Variants in GALNT16 observed in about 807,000 individuals in gnomAD.
GALNT16 encodes the protein UDP-GalNAc:polypeptide N-acetylgalactosaminyltransferase-like protein 1.
In GALNT16, 40 loss-of-function variants were observed where a neutral mutation model predicts 76.1. The observed-to-expected ratio is 0.53, with a 90% CI of 0.41 to 0.68. The LOEUF (loss-of-function observed/expected upper bound fraction) is 0.68. Among genes scored for constraint, GALNT16 ranks in the 30% least tolerant of loss-of-function variants. The pLI is 0.00. For synonymous variants in GALNT16, 276 were observed against 285.2 expected (o/e 0.97, Z 0.32); for missense variants, 621 against 731.9 (o/e 0.85, Z 1.75).
At chr14:69,313,743 C>A (rs2045060615) in intron 1 of GALNT16, among the ~76,000 whole-genome samples, 1 of 152,246 alleles carries the variant, frequency 6.6e-6, no homozygotes, top group Admixed American at 6.5e-5. Context: ...TAGGGCCTCC[C>A]AGGCCTGTGG....
At chr14:69,332,575 A>G (rs2045364299) in intron 7 of GALNT16, 1 of 157,256 alleles carries the variant, frequency 6.4e-6, no homozygotes, top group African/African-American at 2.4e-5. Flanking sequence ...CTGGACTCCC[A>G]GTATATGGAC....
Position 69,325,367 on chromosome 14 carries a change from C to A in GALNT16, c.465C>A (p.Ile155=). ...SVLNRTPANL[I]QEIILVDDFS... ...TGAACCGAACTCCTGCCAACTTGAT[C>A]CAGGAGATCATTTTAGTGGATGACT... Residue 155 remains isoleucine, a synonymous_variant, in exon 4 of 15, where the codon ATC becomes ATA. Coordinates refer to ENST00000448469, the MANE Select transcript of GALNT16 (RefSeq NM_001168368.2). 6.2e-7 allele frequency: 1 copy of A among 1,603,812 alleles called. No individual in the cohort carries two copies. Among genetic ancestry groups the A allele is most frequent in the Non-Finnish European group, 8.5e-7 (1 of 1,170,592 alleles).
chr14:69,283,521 G>T (rs2044571026), intron 1 of GALNT16, among the ~76,000 whole-genome samples: 1 of 152,176 alleles, frequency 6.6e-6, no homozygotes, highest in South Asian at 2.1e-4. Flanking sequence ...GGCTGGTGAG[G>T]AGCTTTGTGT....
At chr14:69,376,211 T>C in the GALNT16 span, among the ~76,000 whole-genome samples, 4 of 152,274 alleles carry the variant, frequency 2.6e-5, no homozygotes, top group Admixed American at 6.5e-5. Context: ...CTAAGATCCA[T>C]TTTTAAACTT....
the GALNT16 span, among the ~76,000 whole-genome samples, chr14:69,379,787 C>T: frequency 6.6e-6 from 1 of 152,086 alleles, no homozygotes; most frequent in Non-Finnish European, 1.5e-5. Flanking sequence ...GAAAAGGGCA[C>T]AAAGACCTCC....
At chr14:69,328,235 C>T (rs912201500) in intron 5 of GALNT16, among the ~76,000 whole-genome samples, 3 of 151,908 alleles carry the variant, frequency 2.0e-5, no homozygotes, top group African/African-American at 4.8e-5. Flanking sequence ...AGAGGGCACT[C>T]GGGGTGTGAC....
At chr14:69,270,823 A>T (rs569050074) in intron 1 of GALNT16, among the ~76,000 whole-genome samples, 15 of 152,328 alleles carry the variant, frequency 9.8e-5, no homozygotes, top group Admixed American at 9.8e-4. Flanking sequence ...GGGGAAGTGC[A>T]GCCTGGGGCT....
At chr14:69,335,853 G>T (rs1457065648) in intron 9 of GALNT16, among the ~76,000 whole-genome samples, 1 of 152,112 alleles carries the variant, frequency 6.6e-6, no homozygotes, top group African/African-American at 2.4e-5. Context: ...TCCAAACTCG[G>T]GAGCCCAGAG....
chr14:69,360,307 T>C (rs2045716399), downstream of GALNT16, among the ~76,000 whole-genome samples: 1 of 151,204 alleles, frequency 6.6e-6, no homozygotes, highest in African/African-American at 2.4e-5. Context: ...GAGTTATGAT[T>C]GCAGCACTGC....
At chr14:69,303,192 G>A (rs879626634) in intron 1 of GALNT16, among the ~76,000 whole-genome samples, 4 of 152,156 alleles carry the variant, frequency 2.6e-5, no homozygotes, top group Admixed American at 6.5e-5. Flanking sequence ...ATGTGAGGGC[G>A]CCCTGACCCA....
intron 1 of GALNT16, among the ~76,000 whole-genome samples, chr14:69,267,441 C>T (rs1349257124): frequency 6.6e-6 from 1 of 152,218 alleles, no homozygotes; most frequent in Non-Finnish European, 1.5e-5. Context: ...TTTCCAGACC[C>T]ATTAGGAACA....
rs757413840 is a variant in GALNT16 at position 69,328,534 on chromosome 14, C to G, written c.653C>G (p.Thr218Ser). ...TFLDSHCEVN[T>S]EWLPPMLQRV... ...CTGGATAGCCACTGCGAAGTGAACACCGAGTGGCTGCCGCCCATGCTGCAG... is the reference window on the plus strand; with the variant it reads ...CTGGATAGCCACTGCGAAGTGAACAGCGAGTGGCTGCCGCCCATGCTGCAG... Residue 218 changes from threonine to serine, a missense_variant, in exon 6 of 15, where the codon ACC becomes AGC. Coordinates refer to ENST00000448469, the MANE Select transcript of GALNT16 (RefSeq NM_001168368.2). 1.2e-6 allele frequency: 2 copies of G among 1,613,894 alleles called. No individual in the cohort carries two copies. The highest frequency in any genetic ancestry group is 1.7e-6 in the Non-Finnish European group (2 of 1,179,986).
intron 1 of GALNT16, among the ~76,000 whole-genome samples, chr14:69,282,213 G>C (rs184990851): frequency 8.3e-4 from 127 of 152,308 alleles, no homozygotes; most frequent in African/African-American, 2.5e-3. Flanking sequence ...CTTGCCCGCT[G>C]CCTGTGTGGA....
intron 1 of GALNT16, among the ~76,000 whole-genome samples, chr14:69,313,954 C>A (rs1275493051): frequency 6.6e-6 from 1 of 152,170 alleles, no homozygotes; most frequent in Non-Finnish European, 1.5e-5. Context: ...TGTGATTAGC[C>A]CCTCACCATC....
At chr14:69,282,475 T>G (rs2044556992) in intron 1 of GALNT16, among the ~76,000 whole-genome samples, 1 of 152,116 alleles carries the variant, frequency 6.6e-6, no homozygotes, top group Non-Finnish European at 1.5e-5. Context: ...CTCTCCAGCC[T>G]GTACCTTGCT....
chr14:69,344,087 C>T (rs1418838218), intron 12 of GALNT16, among the ~76,000 whole-genome samples: 2 of 152,182 alleles, frequency 1.3e-5, no homozygotes, highest in African/African-American at 4.8e-5. Flanking sequence ...CAACTTTCCT[C>T]CAAACAGGGG....
intron 1 of GALNT16, among the ~76,000 whole-genome samples, chr14:69,298,216 G>T (rs1343566496): frequency 6.6e-6 from 1 of 152,248 alleles, no homozygotes; most frequent in East Asian, 1.9e-4. Flanking sequence ...GCCAATGCCA[G>T]TTCCTGATGC....
In GALNT16 at chr14:69,333,183, T is replaced by C; in HGVS notation, c.863+14T>C. The stretch of plus-strand genomic sequence containing the variant: ...CAGGCCCATAAGGTCAGAGCTGCGG[T>C]GGGCTCTGGGGGACCCCTTCCTTCC... On this transcript the variant is annotated intron_variant, in intron 8 of 14. Transcript: ENST00000448469. The surrounding 1 kb of genome is among the most constrained non-coding windows in gnomAD (Gnocchi z 4.2). 1 of 1,560,168 alleles carries C rather than the reference T, an allele frequency of 6.4e-7. No homozygotes were observed. The highest frequency in any genetic ancestry group is 8.8e-7 in the Non-Finnish European group (1 of 1,137,318).
chr14:69,279,872 A>G (rs1257852840), intron 1 of GALNT16, among the ~76,000 whole-genome samples: 5 of 152,186 alleles, frequency 3.3e-5, no homozygotes, highest in Admixed American at 1.3e-4. Context: ...GGGGGAAGAG[A>G]CTGCAACTTC....
Sources: allele counts gnomAD v4.1 joint callset (sites outside exome capture counted in the v4.1 genomes callset), GRCh38; gene constraint gnomAD v4.1.1; non-coding constraint Gnocchi (gnomAD v3.1); transcripts MANE v1.5; gene names NCBI Gene and HGNC (gene_info 2026-07-23, HGNC 2026-07-21).